Variants in OR8D4 observed in about 807,000 individuals in gnomAD.
OR8D4 encodes olfactory receptor 8D4.
For missense variants in OR8D4, 359 were observed against 372.6 expected (o/e 0.96, Z 0.30); for synonymous variants, 141 against 134.8 (o/e 1.05, Z -0.32).
rs573839478 is a variant in OR8D4 at position 123,907,305 on chromosome 11, C to G, written c.874C>G (p.Leu292Val). 2 of 1,578,094 alleles carry G rather than the reference C, an allele frequency of 1.3e-6. No homozygotes were observed. Among genetic ancestry groups the G allele is most frequent in the Non-Finnish European group, 1.7e-6 (2 of 1,155,452 alleles). The change falls in exon 2 of 2, where the codon CTG becomes GTG. Residue 292 changes from leucine to valine, a missense_variant. By Grantham distance (32) the Leu-to-Val change is conservative. Coordinates refer to ENST00000641687, the MANE Select transcript of OR8D4 (RefSeq NM_001005197.2). ...ILMLNPLIYS[L>V]RNNEVRNALM... ...CATGTTGAATCCCTTGATATATAGT[C>G]TGAGGAACAATGAAGTAAGAAATGC...
Position 123,907,017 on chromosome 11 carries a change from G to T in OR8D4, c.586G>T (p.Glu196Ter). The T allele has an allele frequency of 1.9e-6, 3 of 1,613,974 alleles. No individual in the cohort carries two copies. The highest frequency in any genetic ancestry group is 2.5e-6 in the Non-Finnish European group (3 of 1,179,896). Residue 196 changes from glutamate to a stop codon, truncating the protein, a stop_gained, in exon 2 of 2, where the codon GAG (glutamate) becomes TAG (stop). Coordinates refer to ENST00000641687, the MANE Select transcript of OR8D4 (RefSeq NM_001005197.2). LOFTEE classifies it low-confidence loss of function (END_TRUNC). ...CTCCTGCTCCAGCACTTATATTGATGAGCTTTTGATTTTTGTCATTGGTGG... is the reference window on the plus strand; with the variant it reads ...CTCCTGCTCCAGCACTTATATTGATTAGCTTTTGATTTTTGTCATTGGTGG... ...KLSCSSTYIDELLIFVIGGFN... is the reference protein window; with the variant it reads ...KLSCSSTYID
intron 1 of OR8D4, among the ~76,000 whole-genome samples, chr11:123,903,191 A>G: frequency 1.4e-5 from 1 of 72,342 alleles, no homozygotes; most frequent in African/African-American, 6.6e-5. Flanking sequence ...AGTATACAAA[A>G]GGATGTGCTT....
Position 123,907,293 on chromosome 11 carries a change from T to C in OR8D4, c.862T>C (p.Leu288=). 1 of 1,598,610 alleles carries C rather than the reference T, an allele frequency of 6.3e-7. No individual in the cohort carries two copies. The highest frequency in any genetic ancestry group is 1.1e-5 in the South Asian group (1 of 90,356). The part of the protein sequence containing the change: ...YTTVILMLNP[L]IYSLRNNEVR... Reference sequence around the variant, plus strand: ...CACTGTGATTCTCATGTTGAATCCCTTGATATATAGTCTGAGGAACAATGA... The same window carrying C: ...CACTGTGATTCTCATGTTGAATCCCCTGATATATAGTCTGAGGAACAATGA... Residue 288 remains leucine, a synonymous_variant, in exon 2 of 2, where the codon TTG becomes CTG. Coordinates refer to ENST00000641687, the MANE Select transcript of OR8D4 (RefSeq NM_001005197.2).
At position 123,906,957 on chromosome 11, in the gene OR8D4, C is replaced by T; in HGVS notation, c.526C>T (p.His176Tyr). The change falls in exon 2 of 2, where the codon CAT becomes TAT. Residue 176 changes from histidine (H) to tyrosine (Y), a missense_variant. Coordinates refer to ENST00000641687, the MANE Select transcript of OR8D4 (RefSeq NM_001005197.2). Reference protein sequence around the residue: ...LSFCGSNIIKHYFCDIVPLIK... With the variant: ...LSFCGSNIIKYYFCDIVPLIK... ...TTTCTGTGGATCAAACATCATTAAA[C>T]ATTATTTCTGTGACATTGTCCCTCT... The T allele has an allele frequency of 6.2e-7, 1 of 1,614,052 alleles. No homozygotes were observed. The highest frequency in any genetic ancestry group is 8.5e-7 in the Non-Finnish European group (1 of 1,179,956).
At chr11:123,904,105 G>T (rs1863181603) in intron 1 of OR8D4, among the ~76,000 whole-genome samples, 1 of 152,132 alleles carries the variant, frequency 6.6e-6, no homozygotes, top group African/African-American at 2.4e-5. Flanking sequence ...CAGGTGTGAG[G>T]TAGGGCCTGA....
Position 123,906,859 on chromosome 11 carries a change from T to C in OR8D4, c.428T>C (p.Leu143Pro), listed in dbSNP as rs750137533. ...ATCATGTCCCCTAGGGTCTGTTCTC[T>C]GCTGGTGGCTGCTGTCTTCTCAGTA... ...RVIMSPRVCS[L>P]LVAAVFSVGF... The change falls in exon 2 of 2, where the codon CTG (leucine) becomes CCG (proline). Residue 143 changes from leucine to proline, a missense_variant. Transcript: ENST00000641687. The C allele has an allele frequency of 9.9e-6, 16 of 1,613,956 alleles. No homozygotes were observed. The highest frequency in any genetic ancestry group is 1.3e-5 in the Non-Finnish European group (15 of 1,179,962).
chr11:123,907,295 GAT>G lies in OR8D4; in HGVS notation c.870_871del (p.Tyr290Ter), dbSNP rs749430558. 1.1e-5 allele frequency: 17 copies of G among 1,597,014 alleles called. No homozygotes were observed. In the South Asian group the frequency reaches 1.8e-4, roughly 17 times the overall value. ...CTGTGATTCTCATGTTGAATCCCTT[GAT>G]ATATAGTCTGAGGAACAATGAAGTA... is the stretch of plus-strand genomic sequence containing the variant. ...TTVILMLNPL[I>X]YSLRNNEVRN... On this transcript the variant is annotated frameshift_variant, in exon 2 of 2. Transcript: ENST00000641687. LOFTEE classifies it low-confidence loss of function (END_TRUNC).
At chr11:123,905,967 A>G (rs1343609403) in intron 1 of OR8D4, among the ~76,000 whole-genome samples, 2 of 152,186 alleles carry the variant, frequency 1.3e-5, no homozygotes, top group African/African-American at 4.8e-5. Flanking sequence ...ATATCATCCT[A>G]TAAAATTTTC....
At chr11:123,904,483 A>T (rs1263859718) in intron 1 of OR8D4, among the ~76,000 whole-genome samples, 1 of 152,210 alleles carries the variant, frequency 6.6e-6, no homozygotes, top group Admixed American at 6.5e-5. Context: ...CATTACTTCG[A>T]TAAGCCTCTG....
intron 1 of OR8D4, among the ~76,000 whole-genome samples, chr11:123,904,479 T>G (rs992970322): frequency 6.6e-6 from 1 of 152,140 alleles, no homozygotes; most frequent in East Asian, 1.9e-4. Flanking sequence ...TGAACATTAC[T>G]TCGATAAGCC....
intron 1 of OR8D4, among the ~76,000 whole-genome samples, chr11:123,903,421 A>G (rs1053093947): frequency 6.6e-6 from 1 of 152,174 alleles, no homozygotes; most frequent in African/African-American, 2.4e-5. Context: ...TCTGCATTAT[A>G]TGTCTATTGG....
chr11:123,906,593 A>G lies in OR8D4; in HGVS notation c.162A>G (p.Gln54=). The G allele has an allele frequency of 1.2e-6, 2 of 1,613,982 alleles. No homozygotes were observed. Among genetic ancestry groups the G allele is most frequent in the South Asian group, 1.1e-5 (1 of 91,070 alleles). ...SMISIIRLNR[Q]LHTPMYYFLS... ...TCTCAATTATTAGGCTGAATCGTCA[A>G]CTTCATACCCCCATGTACTATTTCC... The change falls in exon 2 of 2, where the codon CAA becomes CAG. Residue 54 remains glutamine (Q), a synonymous_variant. Coordinates refer to ENST00000641687, the MANE Select transcript of OR8D4 (RefSeq NM_001005197.2).
intron 1 of OR8D4, chr11:123,906,145 GT>G (rs1447188433): frequency 6.5e-6 from 2 of 308,800 alleles, no homozygotes; most frequent in Non-Finnish European, 1.2e-5. Context: ...AAATCCCCTG[GT>G]TTTAAGCATT....
At position 123,905,094 on chromosome 11, in the gene OR8D4, G is replaced by A. The variant is rs552479652; in HGVS notation, c.-15-1323G>A. Among the ~76,000 whole-genome samples the A allele has an allele frequency of 3.9e-5, 6 of 152,298 alleles. No individual in the cohort carries two copies. The South Asian group carries it at 1.2e-3, about 32-fold the overall frequency. On this transcript the variant is annotated intron_variant, in intron 1 of 1. Coordinates refer to ENST00000641687, the MANE Select transcript of OR8D4 (RefSeq NM_001005197.2). ...TGCATTGCCAGTAGTGGCAGCACTA[G>A]TGTGTTATATTGGACTCCATGGCCT...
At chr11:123,905,844 C>T (rs1863194419) in intron 1 of OR8D4, among the ~76,000 whole-genome samples, 1 of 152,178 alleles carries the variant, frequency 6.6e-6, no homozygotes, top group Non-Finnish European at 1.5e-5. Context: ...CCCTCCTGCA[C>T]AAATAACTCA....
chr11:123,902,895 A>G (rs1247034590), intron 1 of OR8D4, among the ~76,000 whole-genome samples: 1 of 152,160 alleles, frequency 6.6e-6, no homozygotes, highest in Non-Finnish European at 1.5e-5. Flanking sequence ...AGATTTGTAT[A>G]ATAAAATAAT....
In OR8D4 at chr11:123,906,729, C is replaced by G. The variant is rs1565569321; in HGVS notation, c.298C>G (p.Gln100Glu). The G allele has an allele frequency of 1.2e-6, 2 of 1,613,790 alleles. No individual in the cohort carries two copies. Among genetic ancestry groups the G allele is most frequent in the Non-Finnish European group, 1.7e-6 (2 of 1,179,928 alleles). ...CATCTCCTATTCTGGATGCATGATT[C>G]AGCTGTTTTTTTTCTGTGTTTGTGT... ...RSISYSGCMI[Q>E]LFFFCVCVIS... Residue 100 changes from glutamine (Q) to glutamate (E), a missense_variant, in exon 2 of 2, where the codon CAG becomes GAG. Coordinates refer to ENST00000641687, the MANE Select transcript of OR8D4 (RefSeq NM_001005197.2).
chr11:123,903,419 A>T (rs1565568501), intron 1 of OR8D4, among the ~76,000 whole-genome samples: 1 of 152,180 alleles, frequency 6.6e-6, no homozygotes, highest in Admixed American at 6.5e-5. Context: ...TGTCTGCATT[A>T]TATGTCTATT....
chr11:123,906,606 A>C lies in OR8D4; in HGVS notation c.175A>C (p.Met59Leu). The C allele has an allele frequency of 6.2e-7, 1 of 1,613,884 alleles. No individual in the cohort carries two copies. The highest frequency in any genetic ancestry group is 8.5e-7 in the Non-Finnish European group (1 of 1,179,822). The change falls in exon 2 of 2, where the codon ATG becomes CTG. Residue 59 changes from methionine to leucine, a missense_variant. Physicochemically the swap from Met to Leu is conservative, Grantham distance 15. Transcript: ENST00000641687. ...IRLNRQLHTP[M>L]YYFLSSLSFL... is the part of the protein sequence containing the mutation. ...GCTGAATCGTCAACTTCATACCCCC[A>C]TGTACTATTTCCTGAGTAGTTTGTC... is the stretch of plus-strand genomic sequence containing the variant.
Sources: allele counts gnomAD v4.1 joint callset (sites outside exome capture counted in the v4.1 genomes callset), GRCh38; gene constraint gnomAD v4.1.1; transcripts MANE v1.5; gene names NCBI Gene and HGNC (gene_info 2026-07-23, HGNC 2026-07-21).